Variants in COL13A1 observed in about 807,000 individuals in gnomAD.
COL13A1 encodes the protein collagen type XIII alpha 1 chain.
COL13A1 carries 89 observed loss-of-function variants against 130.9 expected under a neutral mutation model. The ratio of observed to expected loss-of-function variants is 0.68; its 90% CI spans 0.57 to 0.81. COL13A1 has a LOEUF of 0.81. Ranked by LOEUF, COL13A1 falls within the 30% of genes least tolerant of loss-of-function variation. The probability of loss-of-function intolerance (pLI) is 0.00; values close to 1 mark genes in which losing one functional copy is unlikely to be tolerated. For synonymous variants in COL13A1, 402 were observed against 341.6 expected, an observed-to-expected ratio of 1.18 and a Z score of -1.95; for missense variants, 879 against 934.6, an observed-to-expected ratio of 0.94 and a Z score of 0.78.
rs571007227 is a variant in COL13A1 at position 69,876,869 on chromosome 10, G to C, written c.436-1170G>C. On this transcript the variant is annotated intron_variant, in intron 5 of 40. Transcript: ENST00000645393. Reference sequence around the variant, plus strand: ...GGGAAGCTTCAGGAGCCTCTCCCCTGAGTGCAGAGACAGGCCCACAGGGAA... The same window carrying C: ...GGGAAGCTTCAGGAGCCTCTCCCCTCAGTGCAGAGACAGGCCCACAGGGAA... Among the ~76,000 whole-genome samples the C allele has an allele frequency of 7.2e-5, 11 of 152,308 alleles. No homozygotes were observed. The East Asian group carries it at 2.1e-3, about 29-fold the overall frequency.
intron 24 of COL13A1, 127 bp downstream of exon 24, chr10:69,923,982 C>T (rs1019021581): frequency 1.5e-6 from 2 of 1,307,264 alleles, no homozygotes; most frequent in Admixed American, 2.2e-5. Flanking sequence ...ACTGGCTTCC[C>T]TAATTCCTGG....
At chr10:69,917,202 C>A in intron 17 of COL13A1, 87 bp from the exon 18 acceptor site, 1 of 1,549,164 alleles carries the variant, frequency 6.5e-7, no homozygotes, top group East Asian at 2.3e-5. Flanking sequence ...TCCCAGCCTC[C>A]AGACAAGACA....
chr10:69,889,424 G>C lies in COL13A1; in HGVS notation c.587G>C (p.Gly196Ala). Residue 196 changes from glycine (G) to alanine (A), a missense_variant, in exon 10 of 41, where the codon GGA becomes GCA. By Grantham distance (60) the Gly-to-Ala change is moderately conservative (BLOSUM62 0). Transcript: ENST00000645393. Reference sequence around the variant, plus strand: ...CTCTTCTCCTTCCAGGGCCACCCAGGACCAAAGGGCGACATGGTAAGAGCC... The same window carrying C: ...CTCTTCTCCTTCCAGGGCCACCCAGCACCAAAGGGCGACATGGTAAGAGCC... ...IGLDGKPGHP[G>A]PKGDMGLTGP... The C allele has an allele frequency of 6.2e-7, 1 of 1,611,888 alleles. No homozygotes were observed. The highest frequency in any genetic ancestry group is 8.5e-7 in the Non-Finnish European group (1 of 1,179,190).
In COL13A1 at chr10:69,889,419, C is replaced by G. The variant is rs369729779; in HGVS notation, c.582C>G (p.His194Gln). The change falls in exon 10 of 41, where the codon CAC becomes CAG. Residue 194 changes from histidine to glutamine, a missense_variant. This residue lies in a region of COL13A1 where 715 missense variants were observed against 721.0 expected (regional missense o/e 0.99). Transcript: ENST00000645393. ...TCACCCTCTTCTCCTTCCAGGGCCACCCAGGACCAAAGGGCGACATGGTAA... is the reference window on the plus strand; with the variant it reads ...TCACCCTCTTCTCCTTCCAGGGCCAGCCAGGACCAAAGGGCGACATGGTAA... ...GPIGLDGKPGHPGPKGDMGLT... is the reference protein window; with the variant it reads ...GPIGLDGKPGQPGPKGDMGLT... 3.4e-5 allele frequency: 55 copies of G among 1,611,576 alleles called. No homozygotes were observed. The highest frequency in any genetic ancestry group is 4.2e-5 in the Non-Finnish European group (50 of 1,179,104).
intron 2 of COL13A1, among the ~76,000 whole-genome samples, chr10:69,826,341 C>A (rs1029486145): frequency 1.8e-4 from 28 of 152,186 alleles, no homozygotes; most frequent in Admixed American, 5.2e-4. Context: ...GCTGTCGGAG[C>A]CTCATCTCCA....
At chr10:69,868,230 A>G (rs1449722358) in intron 3 of COL13A1, among the ~76,000 whole-genome samples, 30 of 152,064 alleles carry the variant, frequency 2.0e-4, no homozygotes, top group Admixed American at 1.8e-3. Context: ...GGCTGCAAGC[A>G]TGGTCTGCTC....
intron 2 of COL13A1, among the ~76,000 whole-genome samples, chr10:69,823,831 G>A (rs1364978880): frequency 6.6e-6 from 1 of 152,154 alleles, no homozygotes; most frequent in African/African-American, 2.4e-5. Context: ...AGGGCCCGGG[G>A]GTCTGGGAAA....
intron 2 of COL13A1, among the ~76,000 whole-genome samples, chr10:69,834,235 G>C (rs1309585322): frequency 3.3e-5 from 5 of 152,180 alleles, no homozygotes; most frequent in Non-Finnish European, 5.9e-5. Flanking sequence ...GGGGTCCTGT[G>C]AGAATCTATT....
chr10:69,958,629 C>T (rs2071272245), intron 40 of COL13A1, 70 bp from the exon 41 acceptor site: 1 of 1,610,988 alleles, frequency 6.2e-7, no homozygotes, highest in East Asian at 2.2e-5. Context: ...TACCTCCCTT[C>T]CTACAAAGGA....
chr10:69,943,509 G>A (rs71480623), intron 35 of COL13A1, among the ~76,000 whole-genome samples: 11,427 of 152,142 alleles, frequency 0.075, 574 homozygotes, highest in Middle Eastern at 0.17. Context: ...CAGAGCTCAT[G>A]ACACGCCTCC....
rs34323794 is a variant in COL13A1, at chr10:69,933,135, C to CAAAAAAAAAAAAAAAAAAAAAA, written c.1728+542_1728+563dup. Among the ~76,000 whole-genome samples, 28 of 44,428 alleles carry CAAAAAAAAAAAAAAAAAAAAAA rather than the reference C, an allele frequency of 6.3e-4. 2 individuals are homozygous for CAAAAAAAAAAAAAAAAAAAAAA. The highest frequency in any genetic ancestry group is 8.6e-4 in the Admixed American group (2 of 2,322). The allele number at this position is 44,428 out of a possible 152,430, so 29.1% of individuals were successfully genotyped here. A position where few individuals can be genotyped will look rare whatever the true frequency, so the allele number is the denominator to read the frequency against. On this transcript the variant is annotated intron_variant, in intron 31 of 40. Coordinates refer to ENST00000645393, the MANE Select transcript of COL13A1 (RefSeq NM_001368882.1). Reference sequence around the variant, plus strand: ...TGGGCAACAGAGTGAGACTCTGCCTCAAAAAAAAAAAAAAAAAAAAAAAAA... The same window carrying CAAAAAAAAAAAAAAAAAAAAAA: ...TGGGCAACAGAGTGAGACTCTGCCTCAAAAAAAAAAAAAAAAAAAAAAAAAAAAAAAAAAAAAAAAAAAAAAA...
intron 3 of COL13A1, among the ~76,000 whole-genome samples, 166 bp from the exon 4 acceptor site, chr10:69,872,018 A>G (rs1301834079): frequency 6.6e-6 from 1 of 152,180 alleles, no homozygotes; most frequent in Non-Finnish European, 1.5e-5. Context: ...ACTGGAAGGA[A>G]GCTTTATAAG....
chr10:69,830,909 C>T (rs1488751768), intron 2 of COL13A1, among the ~76,000 whole-genome samples: 1 of 152,152 alleles, frequency 6.6e-6, no homozygotes, highest in African/African-American at 2.4e-5. Flanking sequence ...CGCCCGCCCT[C>T]CGACCCCCAG....
intron 1 of COL13A1, among the ~76,000 whole-genome samples, chr10:69,815,080 G>A (rs988058784): frequency 2.0e-5 from 3 of 152,180 alleles, no homozygotes; most frequent in Non-Finnish European, 4.4e-5. Flanking sequence ...AGCTGGCAGG[G>A]GGTGGTGGGT....
chr10:69,944,217 G>A, intron 36 of COL13A1, 39 bp downstream of exon 36: 1 of 1,575,056 alleles, frequency 6.3e-7, no homozygotes, highest in Non-Finnish European at 8.7e-7. Context: ...CGGCCAGGAG[G>A]GAGAGGCATG....
chr10:69,890,603 A>G (rs80131929), intron 10 of COL13A1, among the ~76,000 whole-genome samples: 2,090 of 152,336 alleles, frequency 0.014, 51 homozygotes, highest in African/African-American at 0.048. Context: ...CTGCCAGGGC[A>G]TGGAGGGAGG....
chr10:69,891,831 G>A (rs1297998660), intron 10 of COL13A1, among the ~76,000 whole-genome samples: 1 of 152,166 alleles, frequency 6.6e-6, no homozygotes, highest in South Asian at 2.1e-4. Context: ...CTTCATGAGA[G>A]GGGAAATTGA....
intron 1 of COL13A1, among the ~76,000 whole-genome samples, chr10:69,820,966 C>T (rs1300741437): frequency 6.6e-6 from 1 of 152,200 alleles, no homozygotes; most frequent in East Asian, 1.9e-4. Context: ...GGCGATACCA[C>T]CCTTATGACA....
intron 38 of COL13A1, among the ~76,000 whole-genome samples, chr10:69,948,642 T>C (rs2068908838): frequency 6.6e-6 from 1 of 152,248 alleles, no homozygotes; most frequent in Non-Finnish European, 1.5e-5. Context: ...TCAAATGTCT[T>C]TCTGACATGT....
Sources: gnomAD v4.1 joint callset for allele counts (sites outside exome capture counted in the v4.1 genomes callset) on GRCh38, gnomAD v4.1.1 for gene constraint, gnomAD v4.1.1 regional missense constraint, MANE v1.5 for transcripts, NCBI Gene and HGNC (gene_info 2026-07-23, HGNC 2026-07-21) for gene names.